Variants in RCBTB1 observed in about 807,000 individuals in gnomAD.
RCBTB1 encodes the protein RCC1 and BTB domain containing protein 1.
Under a neutral mutation model 62.4 loss-of-function variants are expected in RCBTB1, and 46 were observed. The observed-to-expected ratio is 0.74, with a 90% CI of 0.58 to 0.94. The LOEUF (loss-of-function observed/expected upper bound fraction) is 0.94, where lower values mean the gene tolerates loss of function less well. RCBTB1 is among the 40% of genes least tolerant of loss of function. The pLI, the probability that RCBTB1 is intolerant of heterozygous loss-of-function variation, is 0.00. For missense variants in RCBTB1, 565 were observed against 654.9 expected (o/e 0.86, Z 1.50); for synonymous variants, 222 against 245.8 (o/e 0.90, Z 0.91).
intron 10 of RCBTB1, among the ~76,000 whole-genome samples, chr13:49,542,171 G>A (rs1048316191): frequency 4.7e-5 from 7 of 149,848 alleles, no homozygotes; most frequent in African/African-American, 1.5e-4. Context: ...CCGAGATTGC[G>A]CTTCTGCACT....
intron 12 of RCBTB1, among the ~76,000 whole-genome samples, chr13:49,536,354 C>T (rs1215762329): frequency 6.6e-6 from 1 of 152,162 alleles, no homozygotes; most frequent in Non-Finnish European, 1.5e-5. Flanking sequence ...GAGAGTCGCA[C>T]AGTCAAGCTG....
At chr13:49,541,057 T>A in intron 11 of RCBTB1, 51 bp from the exon 12 acceptor site, 1 of 1,541,602 alleles carries the variant, frequency 6.5e-7, no homozygotes, top group Non-Finnish European at 8.8e-7. Flanking sequence ...TAATTTCCAA[T>A]ACACAGAGAT....
intron 6 of RCBTB1, among the ~76,000 whole-genome samples, chr13:49,554,531 G>T (rs570161459): frequency 6.6e-6 from 1 of 152,086 alleles, no homozygotes; most frequent in Non-Finnish European, 1.5e-5. Context: ...CTCATGAGCC[G>T]CAGGCCGGTA....
intron 6 of RCBTB1, among the ~76,000 whole-genome samples, chr13:49,552,963 C>G (rs9568249): frequency 0.24 from 36,991 of 151,740 alleles, 5,787 homozygotes; most frequent in African/African-American, 0.44. Flanking sequence ...GTGGGCAGAT[C>G]ACCAGGTCAG....
At chr13:49,552,022 G>C (rs185817502) in intron 7 of RCBTB1, among the ~76,000 whole-genome samples, 156 bp downstream of exon 7, 1 of 147,676 alleles carries the variant, frequency 6.8e-6, no homozygotes, top group Non-Finnish European at 1.5e-5. Flanking sequence ...GCTTCTCCTC[G>C]TGGGAAATTA....
chr13:49,577,993 C>T (rs750496099), intron 2 of RCBTB1, among the ~76,000 whole-genome samples: 7 of 151,882 alleles, frequency 4.6e-5, no homozygotes, highest in African/African-American at 1.2e-4. Flanking sequence ...AGCTGTCTTA[C>T]GAAAAAAATT....
intron 6 of RCBTB1, among the ~76,000 whole-genome samples, chr13:49,554,907 A>C (rs1016498144): frequency 1.3e-5 from 2 of 152,244 alleles, no homozygotes; most frequent in Non-Finnish European, 2.9e-5. Context: ...ATATCTTTGT[A>C]TAATTTTCAT....
intron 4 of RCBTB1, among the ~76,000 whole-genome samples, chr13:49,565,921 A>C (rs1383399049): frequency 6.6e-6 from 1 of 151,596 alleles, no homozygotes; most frequent in African/African-American, 2.4e-5. Context: ...TGTACTAAGA[A>C]AAATTCTTCT....
At chr13:49,576,175 C>A (rs1327620839) in intron 2 of RCBTB1, among the ~76,000 whole-genome samples, 1 of 53,184 alleles carries the variant, frequency 1.9e-5, no homozygotes, top group South Asian at 7.6e-4. Flanking sequence ...CGACAGGCGT[C>A]GCAAAAAAAA....
chr13:49,549,419 C>T (rs1356460059), intron 9 of RCBTB1, 39 bp downstream of exon 9: 24 of 1,568,846 alleles, frequency 1.5e-5, no homozygotes, highest in Non-Finnish European at 2.1e-5. Flanking sequence ...GTTGGTAGTA[C>T]CATTCTTCCT....
In RCBTB1 at chr13:49,552,531, T is replaced by C. The variant is rs2274281; in HGVS notation, c.604-246A>G. On this transcript the variant is annotated intron_variant, in intron 6 of 12. Coordinates refer to ENST00000378302, the MANE Select transcript of RCBTB1 (RefSeq NM_018191.4). ...AAGTCACTCTTTCCTGTTTAATACA[T>C]GAGGAAGTTGAGCCTCACTAACAAT... is the stretch of plus-strand genomic sequence containing the variant. Among the ~76,000 whole-genome samples, 39,653 of 151,976 alleles carry C rather than the reference T, an allele frequency of 0.26. 6,973 individuals are homozygous for C. The highest frequency in any genetic ancestry group is 0.5 in the African/African-American group (20,656 of 41,386).
At chr13:49,552,453 C>T (rs1339798011) in intron 6 of RCBTB1, among the ~76,000 whole-genome samples, 168 bp from the exon 7 acceptor site, 2 of 152,112 alleles carry the variant, frequency 1.3e-5, no homozygotes, top group African/African-American at 2.4e-5. Flanking sequence ...AAGGGGATGA[C>T]AGAATTGGCA....
intron 8 of RCBTB1, 119 bp from the exon 9 acceptor site, chr13:49,549,767 G>A: frequency 6.9e-7 from 1 of 1,442,864 alleles, no homozygotes; most frequent in Non-Finnish European, 9.1e-7. Flanking sequence ...CAAGTTCCAG[G>A]GACACTAGCT....
At chr13:49,560,540 A>G (rs2139235024) in intron 4 of RCBTB1, among the ~76,000 whole-genome samples, 1 of 152,294 alleles carries the variant, frequency 6.6e-6, no homozygotes, top group South Asian at 2.1e-4. Context: ...TAGACTGTTT[A>G]CAAAGGAAAC....
intron 2 of RCBTB1, among the ~76,000 whole-genome samples, chr13:49,579,624 GAAAAAA>G (rs66531473): frequency 7.2e-6 from 1 of 139,026 alleles, no homozygotes; most frequent in African/African-American, 2.7e-5. Context: ...ACTTGTCTCA[GAAAAAA>G]AAAAAAAAAG....
At chr13:49,578,639 A>C (rs1201318964) in intron 2 of RCBTB1, among the ~76,000 whole-genome samples, 1 of 152,250 alleles carries the variant, frequency 6.6e-6, no homozygotes, top group Non-Finnish European at 1.5e-5. Flanking sequence ...TAATATGTCA[A>C]ATAGGAAATA....
Position 49,534,050 on chromosome 13 carries a change from C to A in RCBTB1, c.*72G>T. The A allele has an allele frequency of 1.3e-6, 2 of 1,493,448 alleles. No homozygotes were observed. The highest frequency in any genetic ancestry group is 1.2e-5 in the South Asian group (1 of 80,188). 92.5% of individuals were successfully genotyped at this position (1,493,448 alleles called of 1,614,324 possible). The stretch of plus-strand genomic sequence containing the variant: ...CTTTTACCTGCAGAATCACATCACC[C>A]GTAGAGCACAAACTGGACACATCCT... On this transcript the variant is annotated 3_prime_UTR_variant, in exon 13 of 13. Coordinates refer to ENST00000378302, the MANE Select transcript of RCBTB1 (RefSeq NM_018191.4).
intron 5 of RCBTB1, among the ~76,000 whole-genome samples, chr13:49,559,154 CA>C (rs1259545306): frequency 6.6e-6 from 1 of 152,152 alleles, no homozygotes; most frequent in Non-Finnish European, 1.5e-5. Flanking sequence ...AAGAATCTAT[CA>C]ATGACATTAT....
intron 5 of RCBTB1, among the ~76,000 whole-genome samples, chr13:49,558,599 C>T (rs1962141699): frequency 1.4e-5 from 2 of 147,454 alleles, no homozygotes; most frequent in South Asian, 4.2e-4. Context: ...GAGGCTGAGG[C>T]AGGAGAATCA....
Sources: allele counts gnomAD v4.1 joint callset (sites outside exome capture counted in the v4.1 genomes callset), GRCh38; gene constraint gnomAD v4.1.1; transcripts MANE v1.5; gene names NCBI Gene and HGNC (gene_info 2026-07-23, HGNC 2026-07-21).